Variants in WWC2 observed in about 807,000 individuals in gnomAD.
WWC2 encodes the protein protein WWC2.
In WWC2, 101 loss-of-function variants were observed where a neutral mutation model predicts 138.5. That is an observed-to-expected ratio of 0.73 (90% CI 0.62 to 0.86). The LOEUF is 0.86. Among genes scored for constraint, WWC2 ranks in the 40% least tolerant of loss-of-function variants. The probability of loss-of-function intolerance (pLI) is 0.00; values close to 1 mark genes in which losing one functional copy is unlikely to be tolerated. For missense variants in WWC2, 1,420 were observed against 1,419.4 expected (o/e 1.00, Z -0.01); for synonymous variants, 558 against 538.4 (o/e 1.04, Z -0.50).
chr4:183,269,769 G>C (rs186012137), intron 15 of WWC2: 1 of 231,082 alleles, frequency 4.3e-6, no homozygotes, highest in Non-Finnish European at 9.0e-6. Context: ...CAGTATTGGA[G>C]CTTTCGGGAA....
chr4:183,155,189 G>GGGGAGAGAGAGAGAGAGA lies in WWC2; in HGVS notation c.132-38409_132-38408insGGAGAGAGAGAGAGAGAG, dbSNP rs1554067851. Among the ~76,000 whole-genome samples, 82 of 103,680 alleles carry GGGGAGAGAGAGAGAGAGA rather than the reference G, an allele frequency of 7.9e-4. 1 individual carries two copies. Among genetic ancestry groups the GGGGAGAGAGAGAGAGAGA allele is most frequent in the African/African-American group, 2.6e-3 (76 of 29,154 alleles). 68.0% of individuals were successfully genotyped at this position (103,680 alleles called of 152,430 possible). A position where few individuals can be genotyped will look rare whatever the true frequency, so the allele number is the denominator to read the frequency against. ...AAGTTCTAATGACTTCATCTTCTGA[G>GGGGAGAGAGAGAGAGAGA]GAGAGAGAGAGAGAGAGAGAGAGAG... is the stretch of plus-strand genomic sequence containing the variant. On this transcript the variant is annotated intron_variant, in intron 1 of 22. Transcript: ENST00000403733.
At chr4:183,224,069 TAAAAC>T (rs375208241) in intron 4 of WWC2, among the ~76,000 whole-genome samples, 129 of 152,284 alleles carry the variant, frequency 8.5e-4, no homozygotes, top group Non-Finnish European at 1.4e-3. Flanking sequence ...CTTTGTAACT[TAAAAC>T]AAAACAAAAC....
At chr4:183,155,098 C>T (rs935217550) in intron 1 of WWC2, among the ~76,000 whole-genome samples, 15 of 144,384 alleles carry the variant, frequency 1.0e-4, no homozygotes, top group Admixed American at 5.0e-4. Flanking sequence ...GACATTCAAA[C>T]ATGAAGGAAA....
intron 14 of WWC2, among the ~76,000 whole-genome samples, chr4:183,267,738 A>G (rs1348739457): frequency 6.6e-6 from 1 of 152,206 alleles, no homozygotes; most frequent in Non-Finnish European, 1.5e-5. Context: ...CAATGAGCAG[A>G]CATTTGCTCT....
In WWC2 at chr4:183,099,304, C is replaced by T. The variant is rs1217470748; in HGVS notation, c.-188C>T. 8 of 405,162 alleles carry T rather than the reference C, an allele frequency of 2.0e-5. No homozygotes were observed. Among genetic ancestry groups the T allele is most frequent in the Non-Finnish European group, 2.9e-5 (8 of 271,506 alleles). The allele number at this position is 405,162 out of a possible 1,614,324, so 25.1% of individuals were successfully genotyped here. On this transcript the variant is annotated 5_prime_UTR_variant, in exon 1 of 23. Transcript: ENST00000403733. ...GCAGACATGGTGGACTGATCCGCAG[C>T]GGGGCCGCGAACAGCGTTTCCTGAG...
intron 1 of WWC2, among the ~76,000 whole-genome samples, chr4:183,138,171 C>A (rs1733180063): frequency 6.6e-6 from 1 of 152,128 alleles, no homozygotes; most frequent in African/African-American, 2.4e-5. Context: ...TTTATGAATT[C>A]TTGGGGGAGG....
intron 1 of WWC2, among the ~76,000 whole-genome samples, chr4:183,110,424 G>A (rs544235936): frequency 2.7e-5 from 4 of 145,682 alleles, no homozygotes; most frequent in African/African-American, 7.6e-5. Flanking sequence ...AGACTGCTCT[G>A]TAGAGCTATT....
intron 2 of WWC2, among the ~76,000 whole-genome samples, chr4:183,203,179 T>C (rs1406238016): frequency 1.0e-5 from 1 of 96,398 alleles, no homozygotes; most frequent in Admixed American, 1.1e-4. Context: ...TTCATTTGCT[T>C]TTTTTTTTTT....
intron 16 of WWC2, among the ~76,000 whole-genome samples, chr4:183,276,480 A>G (rs1294389532): frequency 6.6e-6 from 1 of 151,958 alleles, no homozygotes; most frequent in Admixed American, 6.6e-5. Flanking sequence ...CCTGGAGATT[A>G]TAGCATGAGT....
chr4:183,198,910 T>C (rs1030032414), intron 2 of WWC2, among the ~76,000 whole-genome samples: 5 of 150,742 alleles, frequency 3.3e-5, no homozygotes, highest in Admixed American at 2.0e-4. Context: ...CAAGAGATCA[T>C]AGGCTAGTCC....
At chr4:183,291,797 G>T (rs1738460897) in intron 21 of WWC2, among the ~76,000 whole-genome samples, 2 of 151,880 alleles carry the variant, frequency 1.3e-5, no homozygotes, top group African/African-American at 4.8e-5. Flanking sequence ...TGTATAGAGA[G>T]AAGCTCAGTA....
At chr4:183,305,344 G>A (rs1254104239) in intron 21 of WWC2, among the ~76,000 whole-genome samples, 2 of 151,986 alleles carry the variant, frequency 1.3e-5, no homozygotes, top group African/African-American at 4.8e-5. Context: ...AATATTTGAA[G>A]GAATAATGAC....
At chr4:183,258,604 T>C (rs1295823728) in intron 9 of WWC2, among the ~76,000 whole-genome samples, 2 of 152,210 alleles carry the variant, frequency 1.3e-5, no homozygotes, top group Non-Finnish European at 2.9e-5. Flanking sequence ...AGATTTGTTT[T>C]TCTTCTCTGT....
intron 2 of WWC2, among the ~76,000 whole-genome samples, chr4:183,202,886 A>T (rs1378150768): frequency 6.6e-6 from 1 of 152,210 alleles, no homozygotes; most frequent in African/African-American, 2.4e-5. Context: ...AGTATCAGAG[A>T]CAGTGTTATA....
chr4:183,184,519 C>G (rs562042042), intron 1 of WWC2, among the ~76,000 whole-genome samples: 1 of 152,170 alleles, frequency 6.6e-6, no homozygotes, highest in South Asian at 2.1e-4. Context: ...TGGGATCATA[C>G]GGTAATTCCA....
intron 2 of WWC2, among the ~76,000 whole-genome samples, chr4:183,204,268 A>G (rs1216353444): frequency 2.0e-5 from 3 of 152,206 alleles, no homozygotes; most frequent in Non-Finnish European, 4.4e-5. Context: ...TCAGACATCC[A>G]TCAACAACAA....
intron 1 of WWC2, among the ~76,000 whole-genome samples, chr4:183,178,377 C>CAAAT (rs10690640): frequency 0.24 from 32,660 of 134,294 alleles, 4,241 homozygotes; most frequent in Admixed American, 0.29. Flanking sequence ...CCTGTTTCTA[C>CAAAT]AAATAAATAA....
intron 4 of WWC2, among the ~76,000 whole-genome samples, chr4:183,226,158 G>A (rs1342603773): frequency 6.7e-6 from 1 of 148,258 alleles, no homozygotes; most frequent in African/African-American, 2.5e-5. Flanking sequence ...GTGCAGTGGT[G>A]GAATCACGGC....
At chr4:183,165,176 C>T (rs1370345886) in intron 1 of WWC2, among the ~76,000 whole-genome samples, 1 of 151,874 alleles carries the variant, frequency 6.6e-6, no homozygotes. Context: ...ACAGGGAGTA[C>T]GGGATTAGAG....
Sources: gnomAD v4.1 joint callset for allele counts (sites outside exome capture counted in the v4.1 genomes callset) on GRCh38, gnomAD v4.1.1 for gene constraint, MANE v1.5 for transcripts, NCBI Gene and HGNC (gene_info 2026-07-23, HGNC 2026-07-21) for gene names.